The following SLC12A8 variants were observed in gnomAD, a reference collection of about 807,000 sequenced individuals.
The protein encoded by SLC12A8 is solute carrier family 12 member 8, also known as cation-chloride cotransporter 9.
A neutral mutation model predicts 75.6 loss-of-function variants in SLC12A8; 69 were observed. That is an observed-to-expected ratio of 0.91 (90% confidence interval 0.75 to 1.11). SLC12A8 has a LOEUF of 1.11. Among genes scored for constraint, SLC12A8 ranks in the 50% most tolerant of loss-of-function variants. SLC12A8 has a pLI of 0.00. For synonymous variants in SLC12A8, 365 were observed against 372.8 expected (o/e 0.98, Z 0.24); for missense variants, 877 against 896.7 (o/e 0.98, Z 0.28).
chr3:125,141,147 A>G (rs1023064357), intron 5 of SLC12A8, among the ~76,000 whole-genome samples: 17 of 147,930 alleles, frequency 1.1e-4, no homozygotes, highest in Non-Finnish European at 2.5e-4. Flanking sequence ...GCTTTTAGGA[A>G]GAACAAAAAC....
intron 10 of SLC12A8, among the ~76,000 whole-genome samples, chr3:125,099,708 C>A (rs1938816531): frequency 6.6e-6 from 1 of 152,078 alleles, no homozygotes; most frequent in Non-Finnish European, 1.5e-5. Flanking sequence ...GCATGCAGAA[C>A]CCCTAAGGTC....
At chr3:125,194,605 C>T (rs1272959581) in intron 2 of SLC12A8, among the ~76,000 whole-genome samples, 1 of 152,180 alleles carries the variant, frequency 6.6e-6, no homozygotes, top group East Asian at 1.9e-4. Context: ...CAAACAGTCA[C>T]CAGCTAAGTC....
At chr3:125,176,527 G>A (rs967629138) in intron 5 of SLC12A8, among the ~76,000 whole-genome samples, 2 of 152,166 alleles carry the variant, frequency 1.3e-5, no homozygotes, top group Non-Finnish European at 1.5e-5. Context: ...CACCATCAGA[G>A]TGAACAGGCA....
intron 12 of SLC12A8, among the ~76,000 whole-genome samples, chr3:125,089,785 C>T (rs201264559): frequency 9.4e-5 from 1 of 10,592 alleles, no homozygotes; most frequent in African/African-American, 5.3e-4. Flanking sequence ...GCCTACTGGG[C>T]TCTTACTTTG....
intron 2 of SLC12A8, among the ~76,000 whole-genome samples, chr3:125,203,951 G>A (rs1400300009): frequency 6.6e-6 from 1 of 152,144 alleles, no homozygotes; most frequent in African/African-American, 2.4e-5. Context: ...CTCAAAAGAA[G>A]ACACACAGAT....
chr3:125,123,591 A>T (rs1933116103), intron 6 of SLC12A8: 1 of 152,178 alleles, frequency 6.6e-6, no homozygotes, highest in African/African-American at 2.4e-5. Context: ...AAGCAAAGTC[A>T]CGTCTTGCAT....
At chr3:125,121,460 G>A (rs1933059654) in intron 6 of SLC12A8, among the ~76,000 whole-genome samples, 1 of 152,198 alleles carries the variant, frequency 6.6e-6, no homozygotes, top group Admixed American at 6.5e-5. Flanking sequence ...CCCGTGGAGG[G>A]GGTTGTATCT....
chr3:125,183,124 G>C (rs1016711463), intron 4 of SLC12A8, among the ~76,000 whole-genome samples: 4 of 152,058 alleles, frequency 2.6e-5, no homozygotes, highest in African/African-American at 9.7e-5. Flanking sequence ...CAAGGCCTTC[G>C]TCCACACACT....
intron 4 of SLC12A8, among the ~76,000 whole-genome samples, chr3:125,182,332 A>C (rs996746732): frequency 3.9e-5 from 6 of 152,052 alleles, no homozygotes; most frequent in Non-Finnish European, 8.8e-5. Flanking sequence ...GTCTCAAAAA[A>C]AATTAAAAAA....
Position 125,177,883 on chromosome 3 carries a change from G to A in SLC12A8, c.482C>T (p.Ser161Leu). The change falls in exon 5 of 14, where the codon TCA becomes TTA. Residue 161 changes from serine (S) to leucine (L), a missense_variant. By Grantham distance (145) the Ser-to-Leu change is moderately radical. Coordinates refer to ENST00000469902, the MANE Select transcript of SLC12A8 (RefSeq NM_024628.6). Reference sequence around the variant, plus strand: ...CAGCAAGGCCAGAAGCACCGCAACTGAAATTCCTCGCACAGCCCAGATATT... The same window carrying A: ...CAGCAAGGCCAGAAGCACCGCAACTAAAATTCCTCGCACAGCCCAGATATT... ...LGNIWAVRGI[S>L]VAVLLALLGI... 1 of 1,614,180 alleles carries A rather than the reference G, an allele frequency of 6.2e-7. No homozygotes were observed. Among genetic ancestry groups the A allele is most frequent in the Non-Finnish European group, 8.5e-7 (1 of 1,180,024 alleles).
At chr3:125,198,816 C>T (rs1935057455) in intron 2 of SLC12A8, among the ~76,000 whole-genome samples, 1 of 148,972 alleles carries the variant, frequency 6.7e-6, no homozygotes, top group Non-Finnish European at 1.5e-5. Context: ...CTCGCTCTAT[C>T]ACCCAGGCTG....
chr3:125,085,968 G>A (rs1225858945), intron 13 of SLC12A8, among the ~76,000 whole-genome samples: 2 of 150,946 alleles, frequency 1.3e-5, no homozygotes, highest in South Asian at 2.1e-4. Context: ...GCAATGGTGC[G>A]ATCTCAGCTT....
At chr3:125,145,525 T>G (rs984318608) in intron 5 of SLC12A8, among the ~76,000 whole-genome samples, 1 of 152,184 alleles carries the variant, frequency 6.6e-6, no homozygotes, top group African/African-American at 2.4e-5. Flanking sequence ...GAAGACCTCA[T>G]GCTAAGTGAA....
intron 6 of SLC12A8, among the ~76,000 whole-genome samples, chr3:125,134,311 T>C (rs1349619089): frequency 2.0e-5 from 3 of 151,984 alleles, no homozygotes; most frequent in Non-Finnish European, 4.4e-5. Context: ...GGTTTCACCA[T>C]GTTGTCCAGG....
chr3:125,106,352 G>GTTTGTTTT (rs1553786561), intron 10 of SLC12A8, among the ~76,000 whole-genome samples: 1 of 149,652 alleles, frequency 6.7e-6, no homozygotes, highest in Non-Finnish European at 1.5e-5. Flanking sequence ...GGTTTTTGGG[G>GTTTGTTTT]TTTTTTGTTG....
chr3:125,133,722 G>A (rs778640439), intron 6 of SLC12A8, among the ~76,000 whole-genome samples: 5 of 152,122 alleles, frequency 3.3e-5, no homozygotes, highest in African/African-American at 7.2e-5. Context: ...CACTGCGCCC[G>A]GCCAAAGCTA....
At chr3:125,097,073 T>C (rs1938730857) in intron 10 of SLC12A8, among the ~76,000 whole-genome samples, 1 of 152,180 alleles carries the variant, frequency 6.6e-6, no homozygotes, top group South Asian at 2.1e-4. Flanking sequence ...AAAATACAGT[T>C]GCCCTCTTGG....
chr3:125,125,080 T>C (rs558362760), intron 6 of SLC12A8, among the ~76,000 whole-genome samples: 98 of 151,388 alleles, frequency 6.5e-4, no homozygotes, highest in Non-Finnish European at 6.5e-4. Context: ...AGAAGAGAAA[T>C]ACAGCACACA....
chr3:125,211,209 G>T (rs748071788), intron 2 of SLC12A8, 90 bp downstream of exon 2: 23 of 1,037,160 alleles, frequency 2.2e-5, no homozygotes, highest in Admixed American at 1.0e-4. Context: ...CATCTAAAGG[G>T]TGCGCTGTAA....
Sources: allele counts gnomAD v4.1 joint callset (sites outside exome capture counted in the v4.1 genomes callset), GRCh38; gene constraint gnomAD v4.1.1; transcripts MANE v1.5; gene names NCBI Gene and HGNC (gene_info 2026-07-23, HGNC 2026-07-21).